Variants in HOOK3 observed in about 807,000 individuals in gnomAD.
HOOK3 encodes protein Hook homolog 3.
HOOK3 carries 24 observed loss-of-function variants against 116.3 expected under a neutral mutation model. The observed-to-expected ratio is 0.21, with a 90% CI of 0.15 to 0.29. The LOEUF is 0.29. Among genes scored for constraint, HOOK3 ranks in the 10% least tolerant of loss-of-function variants. HOOK3 has a pLI of 1.00. For synonymous variants in HOOK3, 275 were observed against 283.0 expected, an observed-to-expected ratio of 0.97 and a Z score of 0.28; for missense variants, 632 against 830.2, an observed-to-expected ratio of 0.76 and a Z score of 2.93.
In HOOK3 at chr8:42,959,188, TACC is replaced by T. The variant is rs765117786; in HGVS notation, c.532-40_532-38del. ...GTTGAACATACGAATTATTAATTGT[TACC>T]ACTTCATATTAAAATGTTTATCTCT... On this transcript the variant is annotated intron_variant, in intron 7 of 21. Coordinates refer to ENST00000307602, the MANE Select transcript of HOOK3 (RefSeq NM_032410.4). 13 of 1,270,220 alleles carry T rather than the reference TACC, an allele frequency of 1.0e-5. No homozygotes were observed. The African/African-American group carries it at 1.8e-4, about 17-fold the overall frequency. 78.7% of individuals were successfully genotyped at this position (1,270,220 alleles called of 1,614,324 possible).
rs370162120 is a variant in HOOK3 at position 42,918,958 on chromosome 8, C to T, written c.144-6599C>T. The stretch of plus-strand genomic sequence containing the variant: ...TACACCTCCCAGGCGGGGTGGCGGC[C>T]GGGCAGAGGGGCTCCTCACTTCCCA... On this transcript the variant is annotated intron_variant, in intron 2 of 21. Transcript: ENST00000307602. Among the ~76,000 whole-genome samples the T allele has an allele frequency of 1.6e-4, 25 of 151,776 alleles. 1 individual carries two copies. The highest frequency in any genetic ancestry group is 7.2e-4 in the Admixed American group (11 of 15,294).
intron 15 of HOOK3, among the ~76,000 whole-genome samples, chr8:42,990,323 A>ATTTTTT: frequency 1.7e-5 from 1 of 59,388 alleles, no homozygotes; most frequent in Non-Finnish European, 3.4e-5. Context: ...ATCTGTTTAG[A>ATTTTTT]TCTTTTTTTT....
At chr8:42,939,143 T>C (rs1808038451) in intron 4 of HOOK3, among the ~76,000 whole-genome samples, 2 of 152,380 alleles carry the variant, frequency 1.3e-5, no homozygotes, top group South Asian at 2.1e-4. Flanking sequence ...GGCAACCATC[T>C]GATTTCTCAC....
intron 4 of HOOK3, among the ~76,000 whole-genome samples, chr8:42,932,501 C>A (rs1246535094): frequency 6.6e-6 from 1 of 152,184 alleles, no homozygotes; most frequent in Non-Finnish European, 1.5e-5. Context: ...ATCCTCGTCT[C>A]ATACATGAGA....
At chr8:42,901,468 C>T (rs1486179427) in intron 1 of HOOK3, among the ~76,000 whole-genome samples, 1 of 152,096 alleles carries the variant, frequency 6.6e-6, no homozygotes, top group Non-Finnish European at 1.5e-5. Context: ...AGTATGATCA[C>T]AAGATTGTGC....
intron 18 of HOOK3, among the ~76,000 whole-genome samples, chr8:43,008,167 C>T (rs934696221): frequency 7.2e-5 from 11 of 151,840 alleles, no homozygotes; most frequent in Non-Finnish European, 1.3e-4. Context: ...TACAGGTGCC[C>T]GCCACTACGC....
intron 8 of HOOK3, among the ~76,000 whole-genome samples, chr8:42,960,496 T>G (rs1181059056): frequency 6.6e-6 from 1 of 152,210 alleles, no homozygotes; most frequent in East Asian, 1.9e-4. Flanking sequence ...TTTTCAACAT[T>G]TAGAATTCCT....
chr8:42,941,970 C>A (rs1808136596), intron 4 of HOOK3, among the ~76,000 whole-genome samples: 1 of 152,136 alleles, frequency 6.6e-6, no homozygotes, highest in Non-Finnish European at 1.5e-5. Context: ...ATCTAAAATA[C>A]CAATCTTGGC....
chr8:43,023,295 T>C lies in HOOK3; in HGVS notation c.*4797T>C, dbSNP rs1809864696. ...TGAAAATCCGTGCTGTGCAAATAGA[T>C]CAGTAGTGAGTGAGTGTTAAGTGAA... On this transcript the variant is annotated 3_prime_UTR_variant, in exon 22 of 22. Transcript: ENST00000307602. 5.6e-6 allele frequency: 1 copy of C among 178,756 alleles called. No individual in the cohort carries two copies. The highest frequency in any genetic ancestry group is 2.4e-5 in the African/African-American group (1 of 41,940). 11.1% of individuals were successfully genotyped at this position (178,756 alleles called of 1,614,324 possible).
At chr8:43,011,539 C>T (rs1005961452) in intron 19 of HOOK3, among the ~76,000 whole-genome samples, 1 of 151,888 alleles carries the variant, frequency 6.6e-6, no homozygotes, top group African/African-American at 2.4e-5. Context: ...TTTTATTCTA[C>T]CCTTTCAAGT....
chr8:42,897,010 G>C lies in HOOK3; in HGVS notation c.-122G>C, dbSNP rs1246614867. ...CTGCCAGCGCTGGGCGAGAGTCGGC[G>C]GCCGGATCCGAGGAGCAGGCGGGCC... is the stretch of plus-strand genomic sequence containing the variant. On this transcript the variant is annotated 5_prime_UTR_variant, in exon 1 of 22. Coordinates refer to ENST00000307602, the MANE Select transcript of HOOK3 (RefSeq NM_032410.4). The C allele has an allele frequency of 1.6e-6, 1 of 642,452 alleles. No individual in the cohort carries two copies. Among genetic ancestry groups the C allele is most frequent in the Non-Finnish European group, 2.2e-6 (1 of 449,100 alleles). 39.8% of individuals were successfully genotyped at this position (642,452 alleles called of 1,614,324 possible).
intron 4 of HOOK3, among the ~76,000 whole-genome samples, chr8:42,937,479 G>A (rs1165911065): frequency 6.6e-6 from 1 of 151,356 alleles, no homozygotes; most frequent in Non-Finnish European, 1.5e-5. Flanking sequence ...AAATTGTGAT[G>A]TTAGGGTGTC....
At chr8:43,000,096 A>C (rs1414196601) in intron 16 of HOOK3, among the ~76,000 whole-genome samples, 1 of 152,198 alleles carries the variant, frequency 6.6e-6, no homozygotes, top group Non-Finnish European at 1.5e-5. Flanking sequence ...TGCAGTGAGC[A>C]GAGATTGCGC....
Position 42,943,310 on chromosome 8 carries a change from C to A in HOOK3, c.268-3C>A. 7.0e-7 allele frequency: 1 copy of A among 1,437,114 alleles called. No individual in the cohort carries two copies. Among genetic ancestry groups the A allele is most frequent in the South Asian group, 1.6e-5 (1 of 62,316 alleles). 89.0% of individuals were successfully genotyped at this position (1,437,114 alleles called of 1,614,324 possible). The stretch of plus-strand genomic sequence containing the variant: ...CAATTATAATCCTTTTATCTCCATT[C>A]AGATTTTAGGACAGCAAATTAATGA... On this transcript the variant is annotated splice_polypyrimidine_tract_variant and splice_region_variant and intron_variant, in intron 4 of 21. Coordinates refer to ENST00000307602, the MANE Select transcript of HOOK3 (RefSeq NM_032410.4).
In HOOK3 at chr8:42,938,592, T is replaced by C. The variant is rs181632263; in HGVS notation, c.268-4721T>C. ...AGCTCTTGAAAGGCAGGCCTGGTGG[T>C]GACAAAATCTCTCAGCATTTGCTTG... On this transcript the variant is annotated intron_variant, in intron 4 of 21. Transcript: ENST00000307602. Among the ~76,000 whole-genome samples, 834 of 152,266 alleles carry C rather than the reference T, an allele frequency of 5.5e-3. 3 individuals carry two copies. Among genetic ancestry groups the C allele is most frequent in the Non-Finnish European group, 9.0e-3 (615 of 68,018 alleles).
chr8:42,963,806 C>G (rs1453159647), intron 8 of HOOK3, among the ~76,000 whole-genome samples: 3 of 152,140 alleles, frequency 2.0e-5, no homozygotes, highest in Non-Finnish European at 4.4e-5. Context: ...GGTGTTTCTT[C>G]AAATATGAAA....
At chr8:42,978,610 C>G (rs963082861) in intron 13 of HOOK3, among the ~76,000 whole-genome samples, 1 of 152,068 alleles carries the variant, frequency 6.6e-6, no homozygotes, top group Non-Finnish European at 1.5e-5. Context: ...AACAGGGTTT[C>G]ACCATGTTGG....
At chr8:42,945,561 T>G (rs984003237) in intron 5 of HOOK3, among the ~76,000 whole-genome samples, 1 of 152,182 alleles carries the variant, frequency 6.6e-6, no homozygotes, top group African/African-American at 2.4e-5. Context: ...TCCACCCGCC[T>G]TGGCTTCCCA....
intron 13 of HOOK3, among the ~76,000 whole-genome samples, chr8:42,982,125 G>A (rs1808960785): frequency 6.7e-6 from 1 of 150,204 alleles, no homozygotes; most frequent in Non-Finnish European, 1.5e-5. Context: ...CGTGGTGGCG[G>A]GCGCCTGTAA....
Sources: allele counts gnomAD v4.1 joint callset (sites outside exome capture counted in the v4.1 genomes callset), GRCh38; gene constraint gnomAD v4.1.1; transcripts MANE v1.5; gene names NCBI Gene and HGNC (gene_info 2026-07-23, HGNC 2026-07-21).